FAM83G: variants seen among roughly 807,000 people sequenced by gnomAD.
The protein encoded by FAM83G is protein FAM83G.
A neutral mutation model predicts 61.5 loss-of-function variants in FAM83G; 38 were observed. That is an observed-to-expected ratio of 0.62 (90% CI 0.48 to 0.81). FAM83G has a LOEUF of 0.81. FAM83G is among the 30% of genes least tolerant of loss of function. The pLI, the probability that FAM83G is intolerant of heterozygous loss-of-function variation, is 0.00. For missense variants in FAM83G, 989 were observed against 1,133.6 expected (o/e 0.87, Z 1.83); for synonymous variants, 470 against 476.1 (o/e 0.99, Z 0.17).
intron 2 of FAM83G, among the ~76,000 whole-genome samples, chr17:19,001,551 C>T (rs749395800): frequency 2.0e-5 from 3 of 152,252 alleles, no homozygotes; most frequent in Non-Finnish European, 2.9e-5. Flanking sequence ...TGGAGACCAG[C>T]TTCTTCCTGG....
intron 3 of FAM83G, among the ~76,000 whole-genome samples, chr17:18,987,688 T>C (rs1433574895): frequency 1.3e-5 from 2 of 152,238 alleles, no homozygotes; most frequent in Admixed American, 6.5e-5. Flanking sequence ...CCAAAGGTTC[T>C]TTCTCCTCTG....
At position 18,970,924 on chromosome 17, in the gene FAM83G, G is replaced by A. The variant is rs1313360088; in HGVS notation, c.*435C>T. The A allele has an allele frequency of 4.6e-6, 6 of 1,299,740 alleles. No homozygotes were observed. The Admixed American group carries it at 5.3e-5, about 12-fold the overall frequency. 80.5% of individuals were successfully genotyped at this position (1,299,740 alleles called of 1,614,324 possible). A position where few individuals can be genotyped will look rare whatever the true frequency, so the allele number is the denominator to read the frequency against. ...AAACTCAAGTTTGATGCATCAGGAA[G>A]TTTCTTGTGAGATGAAGGCAGGGGG... is the stretch of plus-strand genomic sequence containing the variant. On this transcript the variant is annotated 3_prime_UTR_variant, in exon 6 of 6. Transcript: ENST00000388995.
chr17:19,004,784 G>C (rs1201382643), upstream of FAM83G: 2 of 150,530 alleles, frequency 1.3e-5, no homozygotes, highest in African/African-American at 4.9e-5. This position sits in a 1 kb window ranked among gnomAD's most constrained non-coding sequence, Gnocchi z 5.4. Context: ...GGGCGCGCCG[G>C]TGACTCAGGG....
chr17:18,984,842 T>C (rs2043229500), intron 3 of FAM83G, among the ~76,000 whole-genome samples: 1 of 152,178 alleles, frequency 6.6e-6, no homozygotes, highest in Non-Finnish European at 1.5e-5. Context: ...TGCTCCCTAT[T>C]TGTCATTTGG....
rs1011347863 is a variant in FAM83G, at chr17:18,971,301, C to G, written c.*58G>C. The G allele has an allele frequency of 5.6e-6, 9 of 1,608,416 alleles. No homozygotes were observed. Among genetic ancestry groups the G allele is most frequent in the Non-Finnish European group, 6.8e-6 (8 of 1,176,438 alleles). On this transcript the variant is annotated 3_prime_UTR_variant, in exon 6 of 6. Transcript: ENST00000388995. This position sits in a 1 kb window ranked among gnomAD's most constrained non-coding sequence, Gnocchi z 5.5. ...AGGCCCAGGCGGCCTGTCTGCCCTCCGCGTCATGAGTCTGGGCTGGGGCCT... is the reference window on the plus strand; with the variant it reads ...AGGCCCAGGCGGCCTGTCTGCCCTCGGCGTCATGAGTCTGGGCTGGGGCCT...
chr17:18,982,854 G>A (rs968624999), intron 3 of FAM83G, among the ~76,000 whole-genome samples: 12 of 152,256 alleles, frequency 7.9e-5, no homozygotes, highest in African/African-American at 2.7e-4. Context: ...CCAAATGGAC[G>A]CCAACCAAGG....
At chr17:18,990,194 G>A (rs1415898765) in intron 2 of FAM83G, among the ~76,000 whole-genome samples, 2 of 152,188 alleles carry the variant, frequency 1.3e-5, no homozygotes, top group Non-Finnish European at 2.9e-5. Context: ...GGGATCTTAA[G>A]AGGGAGCTCA....
intron 2 of FAM83G, among the ~76,000 whole-genome samples, chr17:18,992,018 G>A (rs999332163): frequency 1.3e-5 from 2 of 152,106 alleles, no homozygotes; most frequent in Non-Finnish European, 2.9e-5. Context: ...GCAGGGATGT[G>A]GGCACTCCTC....
At chr17:18,990,858 G>C (rs1300470944) in intron 2 of FAM83G, among the ~76,000 whole-genome samples, 1 of 152,216 alleles carries the variant, frequency 6.6e-6, no homozygotes, top group Non-Finnish European at 1.5e-5. Flanking sequence ...AGGTTTCTTG[G>C]GGGCCCTTGA....
intron 5 of FAM83G, 22 bp downstream of exon 5, chr17:18,977,562 G>T: frequency 6.3e-7 from 1 of 1,599,336 alleles, no homozygotes. Flanking sequence ...GTGACCCCTG[G>T]TGTGCAGGGA....
chr17:18,977,504 C>A, intron 5 of FAM83G, 80 bp downstream of exon 5: 1 of 1,377,658 alleles, frequency 7.3e-7, no homozygotes, highest in Non-Finnish European at 9.9e-7. Flanking sequence ...ACATGGTAGC[C>A]CAGAAGACAA....
At chr17:18,977,003 C>A (rs753603133) in intron 5 of FAM83G, 5 of 1,610,352 alleles carry the variant, frequency 3.1e-6, no homozygotes, top group Non-Finnish European at 4.2e-6. Context: ...GGACGGGCTC[C>A]GGGCACTGAA....
In FAM83G at chr17:19,003,699, G is replaced by A. The variant is rs1382903321; in HGVS notation, c.343C>T (p.Pro115Ser). The A allele has an allele frequency of 5.0e-6, 8 of 1,607,082 alleles. No homozygotes were observed. In the East Asian group the frequency reaches 1.8e-4, roughly 36 times the overall value. Residue 115 changes from proline to serine, a missense_variant, in exon 2 of 6, where the codon CCC becomes TCC. Transcript: ENST00000388995. The surrounding 1 kb of genome is among the most constrained non-coding windows in gnomAD (Gnocchi z 4.5). Reference sequence around the variant, plus strand: ...TTCTGGGGCCAGTACTCCAGGGAGGGCAGCGGCTCGGCCTCGATGGGGACC... The same window carrying A: ...TTCTGGGGCCAGTACTCCAGGGAGGACAGCGGCTCGGCCTCGATGGGGACC... ...DGVPIEAEPL[P>S]SLEYWPQKSD... is the part of the protein sequence containing the mutation.
At chr17:18,985,010 A>G (rs1288771888) in intron 3 of FAM83G, among the ~76,000 whole-genome samples, 1 of 152,238 alleles carries the variant, frequency 6.6e-6, no homozygotes, top group Non-Finnish European at 1.5e-5. Flanking sequence ...TGGCCCAAGC[A>G]ACAGGGCAGC....
At chr17:18,977,107 T>A in intron 5 of FAM83G, 1 of 1,383,948 alleles carries the variant, frequency 7.2e-7, no homozygotes, top group South Asian at 1.3e-5. Context: ...TTCCCCAACC[T>A]GGGGAGTGGG....
In FAM83G at chr17:18,969,622, C is replaced by T. The variant is rs539415248; in HGVS notation, c.*1737G>A. On this transcript the variant is annotated 3_prime_UTR_variant, in exon 6 of 6. Transcript: ENST00000388995. ...CAGGGACTGCCCTGGCTGGTAGAGGCTACCCACCCTGCTGCCCCGCTGTTA... is the reference window on the plus strand; with the variant it reads ...CAGGGACTGCCCTGGCTGGTAGAGGTTACCCACCCTGCTGCCCCGCTGTTA... The T allele has an allele frequency of 9.4e-6, 5 of 533,860 alleles. No homozygotes were observed. In the East Asian group the frequency reaches 1.2e-4, roughly 13 times the overall value. 33.1% of individuals were successfully genotyped at this position (533,860 alleles called of 1,614,324 possible).
chr17:19,003,460 A>G lies in FAM83G; in HGVS notation c.522+60T>C. ...CGTTTTGGGCTCTGAGTGAGCCTGT[A>G]TTGAGAGGGGTCCGGTGGCTGGTTG... On this transcript the variant is annotated intron_variant, in intron 2 of 5. Transcript: ENST00000388995. This position sits in a 1 kb window ranked among gnomAD's most constrained non-coding sequence, Gnocchi z 4.5. 6.7e-7 allele frequency: 1 copy of G among 1,491,004 alleles called. No homozygotes were observed. The highest frequency in any genetic ancestry group is 1.4e-5 in the African/African-American group (1 of 70,746). The allele number at this position is 1,491,004 out of a possible 1,614,324, so 92.4% of individuals were successfully genotyped here. A position where few individuals can be genotyped will look rare whatever the true frequency, so the allele number is the denominator to read the frequency against.
Position 19,003,700 on chromosome 17 carries a change from C to G in FAM83G, c.342G>C (p.Leu114=), listed in dbSNP as rs779741972. 12 of 1,606,762 alleles carry G rather than the reference C, an allele frequency of 7.5e-6. No individual in the cohort carries two copies. The African/African-American group carries it at 1.5e-4, about 20-fold the overall frequency. ...TCTGGGGCCAGTACTCCAGGGAGGGCAGCGGCTCGGCCTCGATGGGGACCC... is the reference window on the plus strand; with the variant it reads ...TCTGGGGCCAGTACTCCAGGGAGGGGAGCGGCTCGGCCTCGATGGGGACCC... The part of the protein sequence containing the change: ...ADGVPIEAEP[L]PSLEYWPQKS... The change falls in exon 2 of 6, where the codon CTG becomes CTC. Residue 114 remains leucine, a synonymous_variant. Transcript: ENST00000388995. The surrounding 1 kb of genome is among the most constrained non-coding windows in gnomAD (Gnocchi z 4.5).
At chr17:18,980,510 T>G (rs938770343) in intron 3 of FAM83G, among the ~76,000 whole-genome samples, 21 of 152,150 alleles carry the variant, frequency 1.4e-4, no homozygotes, top group African/African-American at 5.1e-4. Context: ...TCCTGGACCC[T>G]GAACACATAA....
Sources: allele counts gnomAD v4.1 joint callset (sites outside exome capture counted in the v4.1 genomes callset), GRCh38; gene constraint gnomAD v4.1.1; non-coding constraint Gnocchi (gnomAD v3.1); transcripts MANE v1.5; gene names NCBI Gene and HGNC (gene_info 2026-07-23, HGNC 2026-07-21).